Variants in TRMU observed in about 807,000 individuals in gnomAD.
The protein encoded by TRMU is tRNA mitochondrial 2-thiouridylase.
Under a neutral mutation model 46.9 loss-of-function variants are expected in TRMU, and 49 were observed. That is an observed-to-expected ratio of 1.05 (90% confidence interval 0.83 to 1.33). The LOEUF (loss-of-function observed/expected upper bound fraction) is 1.33. Among genes scored for constraint, TRMU ranks in the 40% most tolerant of loss-of-function variants. The pLI, the probability that TRMU is intolerant of heterozygous loss-of-function variation, is 0.00. For synonymous variants in TRMU, 241 were observed against 200.9 expected, an observed-to-expected ratio of 1.20 and a Z score of -1.69; for missense variants, 572 against 532.4, an observed-to-expected ratio of 1.07 and a Z score of -0.73.
At chr22:46,355,395 T>C (rs772176381) in intron 8 of TRMU, 49 bp from the exon 9 acceptor site, 10 of 1,604,114 alleles carry the variant, frequency 6.2e-6, no homozygotes, top group African/African-American at 4.0e-5. Context: ...AGGCCGGCCT[T>C]GGGGCCAGGT....
intron 1 of TRMU, 63 bp downstream of exon 1, chr22:46,335,909 C>T: frequency 6.6e-7 from 1 of 1,525,710 alleles, no homozygotes. Flanking sequence ...CTGTCCCCGT[C>T]CGTCGTGGCG....
rs1162507692 is a variant in TRMU at position 46,336,013 on chromosome 22, CCT to C, written c.82+169_82+170del. 3 of 1,444,516 alleles carry C rather than the reference CCT, an allele frequency of 2.1e-6. No homozygotes were observed. Among genetic ancestry groups the C allele is most frequent in the Non-Finnish European group, 2.7e-6 (3 of 1,100,350 alleles). The allele number at this position is 1,444,516 out of a possible 1,614,324, so 89.5% of individuals were successfully genotyped here. ...TGACTTTGGTTCGGAGGCTCCTCGC[CCT>C]CCACCTGTGTAGTCGGAGGTGTGCG... is the stretch of plus-strand genomic sequence containing the variant. On this transcript the variant is annotated intron_variant, in intron 1 of 10. Transcript: ENST00000645190. The surrounding 1 kb of genome is among the most constrained non-coding windows in gnomAD (Gnocchi z 4.1).
In TRMU at chr22:46,353,796, G is replaced by C. The variant is rs201828556; in HGVS notation, c.802G>C (p.Ala268Pro). Residue 268 changes from alanine to proline, a missense_variant, in exon 8 of 11, where the codon GCA becomes CCA. Coordinates refer to ENST00000645190, the MANE Select transcript of TRMU (RefSeq NM_018006.5). ...GTTCCTGTATACCTTGGGCCAGAGA[G>C]CAAACATAGGTGGCCTGAGAGAGCC... Reference protein sequence around the residue: ...GWFLYTLGQRANIGGLREPWY... With the variant: ...GWFLYTLGQRPNIGGLREPWY... 6.2e-7 allele frequency: 1 copy of C among 1,613,962 alleles called. No individual in the cohort carries two copies.
chr22:46,356,136 C>T (rs1289474490), intron 10 of TRMU, 64 bp downstream of exon 10: 20 of 1,583,682 alleles, frequency 1.3e-5, no homozygotes, highest in East Asian at 4.5e-5. Context: ...CCAGGGCACC[C>T]GGGTTACAGA....
chr22:46,343,004 C>G (rs1485204923), intron 2 of TRMU, among the ~76,000 whole-genome samples: 1 of 152,230 alleles, frequency 6.6e-6, no homozygotes, highest in African/African-American at 2.4e-5. Flanking sequence ...CTCCCCACTC[C>G]TGACCCCATA....
Position 46,336,160 on chromosome 22 carries a change from C to A in TRMU, c.82+314C>A, listed in dbSNP as rs2077970883. Reference sequence around the variant, plus strand: ...GGGGAGGGAAGGGTTTCTCACGGATCTGCGGCGTCCACATTCACCTGTGAG... The same window carrying A: ...GGGGAGGGAAGGGTTTCTCACGGATATGCGGCGTCCACATTCACCTGTGAG... On this transcript the variant is annotated intron_variant, in intron 1 of 10. Transcript: ENST00000645190. The surrounding 1 kb of genome is among the most constrained non-coding windows in gnomAD (Gnocchi z 4.1). 6 of 1,265,792 alleles carry A rather than the reference C, an allele frequency of 4.7e-6. No homozygotes were observed. Among genetic ancestry groups the A allele is most frequent in the Non-Finnish European group, 5.0e-6 (5 of 998,956 alleles). The allele number at this position is 1,265,792 out of a possible 1,614,324, so 78.4% of individuals were successfully genotyped here.
rs758628820 is a variant in TRMU at position 46,337,774 on chromosome 22, C to T, written c.83-5C>T. On this transcript the variant is annotated splice_polypyrimidine_tract_variant and splice_region_variant and intron_variant, in intron 1 of 10. Transcript: ENST00000645190. Reference sequence around the variant, plus strand: ...ATTCTCTTTAATTGACCTTCCCGCCCGCAGGTTACCAGGTGACAGGGGTGT... The same window carrying T: ...ATTCTCTTTAATTGACCTTCCCGCCTGCAGGTTACCAGGTGACAGGGGTGT... 43 of 1,614,064 alleles carry T rather than the reference C, an allele frequency of 2.7e-5. No individual in the cohort carries two copies. Among genetic ancestry groups the T allele is most frequent in the Middle Eastern group, 1.6e-4 (1 of 6,084 alleles).
Position 46,353,737 on chromosome 22 carries a change from C to T in TRMU, c.773-30C>T, listed in dbSNP as rs9615956. On this transcript the variant is annotated intron_variant, in intron 7 of 10. Coordinates refer to ENST00000645190, the MANE Select transcript of TRMU (RefSeq NM_018006.5). ...GACATGTGGGCTGTAACTTGTTGCC[C>T]AGCCTCATGGAGAAACTGTCTTTCT... is the stretch of plus-strand genomic sequence containing the variant. The T allele has an allele frequency of 0.079, 126,819 of 1,606,956 alleles. 5,615 individuals are homozygous for T. Among genetic ancestry groups the T allele is most frequent in the Non-Finnish European group, 0.091 (106,439 of 1,174,124 alleles).
In TRMU at chr22:46,353,988, C is replaced by G. The variant is rs9615350; in HGVS notation, c.873+121C>G. The G allele has an allele frequency of 0.029, 25,519 of 870,486 alleles. 786 individuals are homozygous for G. The highest frequency in any genetic ancestry group is 0.095 in the South Asian group (6,824 of 71,886). 53.9% of individuals were successfully genotyped at this position (870,486 alleles called of 1,614,324 possible). ...GGCTTCCTGGAGGCTGTGACTAACT[C>G]TGTTCCTGTCCTTGGTCCCCTGCCT... On this transcript the variant is annotated intron_variant, in intron 8 of 10. Coordinates refer to ENST00000645190, the MANE Select transcript of TRMU (RefSeq NM_018006.5).
chr22:46,343,874 C>T (rs2078185671), intron 3 of TRMU, among the ~76,000 whole-genome samples: 1 of 151,940 alleles, frequency 6.6e-6, no homozygotes, highest in African/African-American at 2.4e-5. Context: ...TGTGTTGCTA[C>T]GAGATACCAT....
At chr22:46,337,984 T>C (rs1437331889) in intron 2 of TRMU, 40 bp downstream of exon 2, 1 of 1,613,022 alleles carries the variant, frequency 6.2e-7, no homozygotes, top group Admixed American at 1.7e-5. Context: ...TTCCTCACAC[T>C]GTGGATCCTT....
rs756441293 is a variant in TRMU at position 46,356,901 on chromosome 22, G to A, written c.1161G>A (p.Gly387=). 6.2e-7 allele frequency: 1 copy of A among 1,613,312 alleles called. No homozygotes were observed. The highest frequency in any genetic ancestry group is 1.7e-5 in the Admixed American group (1 of 60,026). The change falls in exon 11 of 11, where the codon GGG becomes GGA. Residue 387 remains glycine, a synonymous_variant. Coordinates refer to ENST00000645190, the MANE Select transcript of TRMU (RefSeq NM_018006.5). ...GCAGCGGGAAGATCCTGCGGCTGGG[G>A]CCGTCTGCCTACACGCTCCAGAAGG... ...CLGSGKILRL[G]PSAYTLQKGQ...
rs367682943 is a variant in TRMU at position 46,347,939 on chromosome 22, C to T, written c.478+1395C>T. Among the ~76,000 whole-genome samples, 42 of 152,296 alleles carry T rather than the reference C, an allele frequency of 2.8e-4. No individual in the cohort carries two copies. The highest frequency in any genetic ancestry group is 1.5e-3 in the East Asian group (8 of 5,190). ...CCTGAGTGTGCCAACAGTCGTCTGCCGCCCTCTGTTCCCTCCTCGCCTTCC... is the reference window on the plus strand; with the variant it reads ...CCTGAGTGTGCCAACAGTCGTCTGCTGCCCTCTGTTCCCTCCTCGCCTTCC... On this transcript the variant is annotated intron_variant, in intron 4 of 10. Coordinates refer to ENST00000645190, the MANE Select transcript of TRMU (RefSeq NM_018006.5). The surrounding 1 kb of genome is among the most constrained non-coding windows in gnomAD (Gnocchi z 5.0).
rs2078154343 is a variant in TRMU, at chr22:46,342,744, G to C, written c.249-518G>C. Among the ~76,000 whole-genome samples, 1 of 152,234 alleles carries C rather than the reference G, an allele frequency of 6.6e-6. No homozygotes were observed. Among genetic ancestry groups the C allele is most frequent in the Non-Finnish European group, 1.5e-5 (1 of 68,048 alleles). The stretch of plus-strand genomic sequence containing the variant: ...AGGCTGAGGCGGGCAGATCACTTGA[G>C]GCCAGGAGTTGGAGACCAGCCTGGC... On this transcript the variant is annotated intron_variant, in intron 2 of 10. Transcript: ENST00000645190. The surrounding 1 kb of genome is among the most constrained non-coding windows in gnomAD (Gnocchi z 4.7).
rs535671360 is a variant in TRMU, at chr22:46,336,155, C to T, written c.82+309C>T. The T allele has an allele frequency of 5.5e-4, 706 of 1,274,856 alleles. 4 individuals carry two copies. In the African/African-American group the frequency reaches 9.9e-3, roughly 18 times the overall value. The allele number at this position is 1,274,856 out of a possible 1,614,324, so 79.0% of individuals were successfully genotyped here. ...GGGGTGGGGAGGGAAGGGTTTCTCA[C>T]GGATCTGCGGCGTCCACATTCACCT... is the stretch of plus-strand genomic sequence containing the variant. On this transcript the variant is annotated intron_variant, in intron 1 of 10. Transcript: ENST00000645190. This position sits in a 1 kb window ranked among gnomAD's most constrained non-coding sequence, Gnocchi z 4.1.
At chr22:46,355,293 A>G in intron 8 of TRMU, 151 bp from the exon 9 acceptor site, 1 of 1,241,546 alleles carries the variant, frequency 8.1e-7, no homozygotes, top group Non-Finnish European at 1.1e-6. Context: ...TGATGAGATG[A>G]ATTTCTGTGG....
rs1164463678 is a variant in TRMU, at chr22:46,357,194, C to G, written c.*188C>G. On this transcript the variant is annotated 3_prime_UTR_variant, in exon 11 of 11. Coordinates refer to ENST00000645190, the MANE Select transcript of TRMU (RefSeq NM_018006.5). Reference sequence around the variant, plus strand: ...AGAGCCTCAGCTCCAGGCTGGGGCTCTGGCTGCTGGAGCATCTGCTGGCTG... The same window carrying G: ...AGAGCCTCAGCTCCAGGCTGGGGCTGTGGCTGCTGGAGCATCTGCTGGCTG... The G allele has an allele frequency of 6.6e-6, 5 of 754,100 alleles. No individual in the cohort carries two copies. Among genetic ancestry groups the G allele is most frequent in the Admixed American group, 2.5e-5 (1 of 39,454 alleles). The allele number at this position is 754,100 out of a possible 1,614,324, so 46.7% of individuals were successfully genotyped here.
chr22:46,336,319 C>T lies in TRMU; in HGVS notation c.82+473C>T. The T allele has an allele frequency of 5.2e-6, 1 of 193,014 alleles. No individual in the cohort carries two copies. Among genetic ancestry groups the T allele is most frequent in the Non-Finnish European group, 9.7e-6 (1 of 103,060 alleles). The allele number at this position is 193,014 out of a possible 1,614,324, so 12.0% of individuals were successfully genotyped here. A position where few individuals can be genotyped will look rare whatever the true frequency, so the allele number is the denominator to read the frequency against. ...GGACAACTGCCGCGCGGCGGGTCTGCTTGTTCAGCGTCTCCTGTGTTCTCC... is the reference window on the plus strand; with the variant it reads ...GGACAACTGCCGCGCGGCGGGTCTGTTTGTTCAGCGTCTCCTGTGTTCTCC... On this transcript the variant is annotated intron_variant, in intron 1 of 10. Transcript: ENST00000645190. This position sits in a 1 kb window ranked among gnomAD's most constrained non-coding sequence, Gnocchi z 4.1.
intron 3 of TRMU, among the ~76,000 whole-genome samples, chr22:46,345,376 A>G (rs911626953): frequency 7.2e-5 from 11 of 152,150 alleles, no homozygotes; most frequent in Admixed American, 4.6e-4. Context: ...GCCTGGCCCA[A>G]ATATCTGGAA....
Sources: gnomAD v4.1 joint callset for allele counts (sites outside exome capture counted in the v4.1 genomes callset) on GRCh38, gnomAD v4.1.1 for gene constraint, Gnocchi (gnomAD v3.1) non-coding constraint, MANE v1.5 for transcripts, NCBI Gene and HGNC (gene_info 2026-07-23, HGNC 2026-07-21) for gene names.